Variants in ADK observed in about 807,000 individuals in gnomAD.
The protein encoded by ADK is N6,N6-dimethyladenosine kinase.
Under a neutral mutation model 44.7 loss-of-function variants are expected in ADK, and 24 were observed. That is an observed-to-expected ratio of 0.54 (90% CI 0.39 to 0.76). The LOEUF is 0.76. Ranked by LOEUF, ADK falls within the 30% of genes least tolerant of loss-of-function variation. The probability of loss-of-function intolerance (pLI) is 0.00; values close to 1 mark genes in which losing one functional copy is unlikely to be tolerated. For synonymous variants in ADK, 128 were observed against 142.6 expected, an observed-to-expected ratio of 0.90 and a Z score of 0.73; for missense variants, 321 against 425.1, an observed-to-expected ratio of 0.76 and a Z score of 2.15.
At position 74,392,717 on chromosome 10, in the gene ADK, A is replaced by G. The variant is rs952654293; in HGVS notation, c.274-1424A>G. 2.6e-5 allele frequency among the ~76,000 whole-genome samples: 4 copies of G among 151,566 alleles called. No homozygotes were observed. The Admixed American group carries it at 2.7e-4, about 10-fold the overall frequency. On this transcript the variant is annotated intron_variant, in intron 4 of 10. Transcript: ENST00000539909. ...ATTTATGAAATCATTGCTAAATCCA[A>G]TGTCCTGAAGCTGTCCCCCATATTT...
intron 7 of ADK, among the ~76,000 whole-genome samples, chr10:74,569,238 C>T (rs574423841): frequency 2.0e-5 from 3 of 152,266 alleles, no homozygotes; most frequent in South Asian, 2.1e-4. Context: ...AATAAACATA[C>T]GTGTGCATGT....
At chr10:74,665,781 GAC>G (rs1339296251) in intron 9 of ADK, among the ~76,000 whole-genome samples, 124 of 129,456 alleles carry the variant, frequency 9.6e-4, no homozygotes, top group African/African-American at 3.5e-3. Context: ...GAGAGAGAGA[GAC>G]AGACAGACAG....
At chr10:74,292,550 C>T (rs1252511886) in intron 3 of ADK, among the ~76,000 whole-genome samples, 2 of 152,114 alleles carry the variant, frequency 1.3e-5, no homozygotes, top group East Asian at 3.9e-4. Flanking sequence ...CTAATGTGTC[C>T]CAACACTGAA....
intron 7 of ADK, among the ~76,000 whole-genome samples, chr10:74,584,605 C>A (rs187009256): frequency 2.0e-4 from 30 of 152,084 alleles, no homozygotes; most frequent in Admixed American, 1.9e-3. Flanking sequence ...GACAGACACC[C>A]CCCTGTCTTA....
At chr10:74,210,879 T>G (rs1330588841) in intron 2 of ADK, among the ~76,000 whole-genome samples, 1 of 152,166 alleles carries the variant, frequency 6.6e-6, no homozygotes, top group Admixed American at 6.5e-5. Flanking sequence ...GCTCTGACAC[T>G]TTTGTAGTTA....
At chr10:74,214,616 G>A (rs1309415000) in intron 2 of ADK, among the ~76,000 whole-genome samples, 1 of 152,126 alleles carries the variant, frequency 6.6e-6, no homozygotes, top group Non-Finnish European at 1.5e-5. Context: ...CTGTTCCTGC[G>A]CCTTTCAAGG....
At chr10:74,493,509 TATATAGATATAG>T (rs546832501) in intron 6 of ADK, among the ~76,000 whole-genome samples, 3 of 151,342 alleles carry the variant, frequency 2.0e-5, no homozygotes, top group African/African-American at 7.3e-5. Context: ...GAGATATAGA[TATATAGATATAG>T]ATATAGATAT....
intron 3 of ADK, among the ~76,000 whole-genome samples, chr10:74,290,244 T>A (rs1847359174): frequency 6.6e-6 from 1 of 152,160 alleles, no homozygotes; most frequent in African/African-American, 2.4e-5. Flanking sequence ...TTTATACTCT[T>A]CCTGTTTTTC....
chr10:74,396,971 A>AG (rs1281459737), intron 5 of ADK, among the ~76,000 whole-genome samples: 6 of 152,056 alleles, frequency 3.9e-5, no homozygotes, highest in African/African-American at 9.7e-5. Context: ...AAAAAAAAAA[A>AG]AAGAATACTT....
intron 10 of ADK, among the ~76,000 whole-genome samples, chr10:74,676,600 C>T (rs1426965508): frequency 6.6e-6 from 1 of 152,118 alleles, no homozygotes; most frequent in African/African-American, 2.4e-5. Flanking sequence ...CCTCAGTCTC[C>T]CGAGTAGCTG....
chr10:74,278,716 C>T (rs1846798714), intron 3 of ADK, among the ~76,000 whole-genome samples: 1 of 152,024 alleles, frequency 6.6e-6, no homozygotes, highest in African/African-American at 2.4e-5. Context: ...GGCAGAAGTA[C>T]AGTGACTGTT....
chr10:74,580,271 T>C (rs1851329618), intron 7 of ADK, among the ~76,000 whole-genome samples: 1 of 152,154 alleles, frequency 6.6e-6, no homozygotes, highest in Non-Finnish European at 1.5e-5. Context: ...TGAGATCTGA[T>C]GGTTTTAAAA....
intron 9 of ADK, among the ~76,000 whole-genome samples, chr10:74,663,558 A>G (rs968013950): frequency 4.6e-5 from 7 of 152,190 alleles, no homozygotes; most frequent in African/African-American, 1.7e-4. Flanking sequence ...AACTACAGTA[A>G]GAATTGATGT....
chr10:74,310,166 G>A (rs750302851), intron 3 of ADK, among the ~76,000 whole-genome samples: 5 of 152,056 alleles, frequency 3.3e-5, no homozygotes, highest in Non-Finnish European at 5.9e-5. Context: ...GACAAAGAAT[G>A]TCAACCAAAA....
intron 3 of ADK, among the ~76,000 whole-genome samples, chr10:74,312,640 C>A (rs766434637): frequency 2.0e-5 from 3 of 151,284 alleles, no homozygotes; most frequent in Non-Finnish European, 4.4e-5. Flanking sequence ...GGCTCCATGG[C>A]TTGCACCTGT....
intron 7 of ADK, among the ~76,000 whole-genome samples, chr10:74,575,626 C>A (rs1377254233): frequency 3.9e-5 from 6 of 152,064 alleles, no homozygotes; most frequent in Non-Finnish European, 8.8e-5. Flanking sequence ...GTTTGAGTGG[C>A]ACCTGGTACG....
chr10:74,460,964 A>G (rs191552800), intron 6 of ADK, among the ~76,000 whole-genome samples: 1 of 152,270 alleles, frequency 6.6e-6, no homozygotes, highest in Admixed American at 6.5e-5. Flanking sequence ...CTAGCAGATG[A>G]ATGAATAGGG....
intron 7 of ADK, among the ~76,000 whole-genome samples, chr10:74,573,644 T>A (rs963419609): frequency 5.3e-5 from 8 of 152,212 alleles, no homozygotes; most frequent in African/African-American, 1.9e-4. Flanking sequence ...CTCCTTGAGC[T>A]GTGGTGAGCT....
At chr10:74,362,483 G>A (rs1179293152) in intron 4 of ADK, among the ~76,000 whole-genome samples, 1 of 151,588 alleles carries the variant, frequency 6.6e-6, no homozygotes, top group Non-Finnish European at 1.5e-5. Flanking sequence ...AGTTCTTTGA[G>A]CTGTCTTCAA....
Sources: gnomAD v4.1 joint callset for allele counts (sites outside exome capture counted in the v4.1 genomes callset) on GRCh38, gnomAD v4.1.1 for gene constraint, MANE v1.5 for transcripts, NCBI Gene and HGNC (gene_info 2026-07-23, HGNC 2026-07-21) for gene names.